Variants in PPP4R2 observed in about 807,000 individuals in gnomAD.
PPP4R2 encodes the protein serine/threonine-protein phosphatase 4 regulatory subunit 2.
PPP4R2 carries 13 observed loss-of-function variants against 47.2 expected under a neutral mutation model. That is an observed-to-expected ratio of 0.28 (90% CI 0.18 to 0.44). The LOEUF (loss-of-function observed/expected upper bound fraction) is 0.44. Among genes scored for constraint, PPP4R2 ranks in the 20% least tolerant of loss-of-function variants. The probability of loss-of-function intolerance (pLI) is 1.00; values close to 1 mark genes in which losing one functional copy is unlikely to be tolerated. For missense variants in PPP4R2, 421 were observed against 491.2 expected (o/e 0.86, Z 1.35); for synonymous variants, 151 against 163.3 (o/e 0.92, Z 0.57).
chr3:73,066,776 C>G lies in PPP4R2; in HGVS notation c.*1054C>G, dbSNP rs1233986934. 1 of 151,972 alleles carries G rather than the reference C, an allele frequency of 6.6e-6. No individual in the cohort carries two copies. The highest frequency in any genetic ancestry group is 1.5e-5 in the Non-Finnish European group (1 of 67,928). 9.4% of individuals were successfully genotyped at this position (151,972 alleles called of 1,614,324 possible). A position where few individuals can be genotyped will look rare whatever the true frequency, so the allele number is the denominator to read the frequency against. On this transcript the variant is annotated 3_prime_UTR_variant, in exon 9 of 9. Coordinates refer to ENST00000356692, the MANE Select transcript of PPP4R2 (RefSeq NM_174907.4). ...ATTAATATATTACTTTAGTATGTAC[C>G]TGAGCTAAATGACTGAAGCTTTAGG...
At chr3:73,050,625 A>G (rs999850826) in intron 3 of PPP4R2, among the ~76,000 whole-genome samples, 15 of 152,214 alleles carry the variant, frequency 9.9e-5, no homozygotes, top group African/African-American at 2.9e-4. Flanking sequence ...CCACTGTTAC[A>G]GAAGTACATA....
chr3:73,046,427 G>T (rs1702488833), intron 2 of PPP4R2, among the ~76,000 whole-genome samples: 1 of 152,314 alleles, frequency 6.6e-6, no homozygotes, highest in South Asian at 2.1e-4. Context: ...GAAATGGTTA[G>T]CATTCCTGAC....
chr3:73,029,800 C>G (rs1348047018), intron 2 of PPP4R2, among the ~76,000 whole-genome samples: 1 of 151,932 alleles, frequency 6.6e-6, no homozygotes, highest in Non-Finnish European at 1.5e-5. Context: ...TTTGGGAAAC[C>G]AGAAAAGGAA....
At chr3:73,027,002 A>G (rs914663599) in intron 2 of PPP4R2, among the ~76,000 whole-genome samples, 2 of 152,140 alleles carry the variant, frequency 1.3e-5, no homozygotes, top group Non-Finnish European at 2.9e-5. Flanking sequence ...GTACCACCCA[A>G]CTCATACATA....
intron 2 of PPP4R2, among the ~76,000 whole-genome samples, chr3:73,004,793 A>C (rs62251770): frequency 0.52 from 79,266 of 151,396 alleles, 21,082 homozygotes; most frequent in African/African-American, 0.61. Context: ...AAACTGCCCA[A>C]TCTTTTTGCC....
rs1252735465 is a variant in PPP4R2 at position 73,004,518 on chromosome 3, C to A, written c.116+6360C>A. The stretch of plus-strand genomic sequence containing the variant: ...TTGCCCCGGTTGGAGTGCAGTGATG[C>A]AATCTTGGTTCACTGTAAACTCTGT... On this transcript the variant is annotated intron_variant, in intron 2 of 8. Coordinates refer to ENST00000356692, the MANE Select transcript of PPP4R2 (RefSeq NM_174907.4). 3.3e-5 allele frequency among the ~76,000 whole-genome samples: 5 copies of A among 152,238 alleles called. No individual in the cohort carries two copies. In the East Asian group the frequency reaches 9.7e-4, roughly 29 times the overall value.
intron 3 of PPP4R2, among the ~76,000 whole-genome samples, 156 bp downstream of exon 3, chr3:73,047,512 A>G (rs1160980210): frequency 6.6e-6 from 1 of 152,208 alleles, no homozygotes; most frequent in East Asian, 1.9e-4. Flanking sequence ...TTAGCTTACA[A>G]CTATTTAAAA....
At chr3:73,024,872 A>G (rs951264146) in intron 2 of PPP4R2, among the ~76,000 whole-genome samples, 15 of 152,218 alleles carry the variant, frequency 9.9e-5, no homozygotes, top group African/African-American at 3.4e-4. Flanking sequence ...AGAAATATTT[A>G]TTAGAAGGAT....
intron 8 of PPP4R2, 25 bp downstream of exon 8, chr3:73,065,166 G>C: frequency 6.4e-7 from 1 of 1,552,196 alleles, no homozygotes; most frequent in Non-Finnish European, 8.7e-7. Flanking sequence ...TCTGTAAAAG[G>C]GTGGAGTAAG....
Position 73,067,535 on chromosome 3 carries a change from G to A in PPP4R2, c.*1813G>A, listed in dbSNP as rs1703025592. On this transcript the variant is annotated 3_prime_UTR_variant, in exon 9 of 9. Coordinates refer to ENST00000356692, the MANE Select transcript of PPP4R2 (RefSeq NM_174907.4). ...TTGATTTACTATACCCAAGAGGGGA[G>A]AAAAATTAACCATTGTAAATTTTTA... The A allele has an allele frequency of 6.6e-6, 1 of 152,076 alleles. No homozygotes were observed. The highest frequency in any genetic ancestry group is 2.1e-4 in the South Asian group (1 of 4,830). 9.4% of individuals were successfully genotyped at this position (152,076 alleles called of 1,614,324 possible). A position where few individuals can be genotyped will look rare whatever the true frequency, so the allele number is the denominator to read the frequency against.
chr3:73,043,470 A>G (rs1475243190), intron 2 of PPP4R2, among the ~76,000 whole-genome samples: 1 of 152,202 alleles, frequency 6.6e-6, no homozygotes, highest in Non-Finnish European at 1.5e-5. Context: ...AATAGAATGG[A>G]ATTGTTGGAT....
At chr3:73,013,447 A>T (rs994417989) in intron 2 of PPP4R2, among the ~76,000 whole-genome samples, 1 of 151,990 alleles carries the variant, frequency 6.6e-6, no homozygotes, top group African/African-American at 2.4e-5. Context: ...ATTGAAATTG[A>T]TACTGCTTTA....
intron 2 of PPP4R2, among the ~76,000 whole-genome samples, chr3:73,032,275 C>CT (rs1263073573): frequency 1.3e-5 from 2 of 151,268 alleles, no homozygotes; most frequent in African/African-American, 4.9e-5. Context: ...AGTAAAACTG[C>CT]TTTAAAATTA....
At position 73,028,109 on chromosome 3, in the gene PPP4R2, T is replaced by A. The variant is rs372872902; in HGVS notation, c.117-19077T>A. Among the ~76,000 whole-genome samples, 38 of 151,754 alleles carry A rather than the reference T, an allele frequency of 2.5e-4. 1 individual carries two copies. The highest frequency in any genetic ancestry group is 8.9e-4 in the African/African-American group (37 of 41,404). On this transcript the variant is annotated intron_variant, in intron 2 of 8. Coordinates refer to ENST00000356692, the MANE Select transcript of PPP4R2 (RefSeq NM_174907.4). ...TCATCTCTACTAAAAATACAAAAAT[T>A]AGCCAGGCGTGGTGGCACACGCCTG...
chr3:73,026,131 C>T (rs1465979098), intron 2 of PPP4R2, among the ~76,000 whole-genome samples: 3 of 152,158 alleles, frequency 2.0e-5, no homozygotes, highest in African/African-American at 7.2e-5. Flanking sequence ...TTCTCCCTTG[C>T]TCAAGTTAAA....
chr3:73,004,845 G>T (rs1336103170), intron 2 of PPP4R2, among the ~76,000 whole-genome samples: 3 of 79,074 alleles, frequency 3.8e-5, no homozygotes, highest in African/African-American at 2.9e-4. Context: ...ACAGTGTGGG[G>T]TGTGTGTGTG....
Position 73,062,211 on chromosome 3 carries a change from C to G in PPP4R2, c.419+1151C>G, listed in dbSNP as rs200734889. 4.0e-5 allele frequency: 63 copies of G among 1,588,106 alleles called. No individual in the cohort carries two copies. Among genetic ancestry groups the G allele is most frequent in the Non-Finnish European group, 4.0e-5 (47 of 1,170,818 alleles). On this transcript the variant is annotated intron_variant, in intron 5 of 8. Transcript: ENST00000356692. ...CAAAATTAAAGAATTAAGTCGGAAC[C>G]AATTTTCCACAATGTCTCATCTAAG...
rs1481246577 is a variant in PPP4R2, at chr3:73,067,185, G to C, written c.*1463G>C. ...TTCATATAAAGCAATAAATATTAATGTTATGAAATATTTGACTACATTTTT... is the reference window on the plus strand; with the variant it reads ...TTCATATAAAGCAATAAATATTAATCTTATGAAATATTTGACTACATTTTT... On this transcript the variant is annotated 3_prime_UTR_variant, in exon 9 of 9. Transcript: ENST00000356692. 1 of 152,100 alleles carries C rather than the reference G, an allele frequency of 6.6e-6. No individual in the cohort carries two copies. Among genetic ancestry groups the C allele is most frequent in the African/African-American group, 2.4e-5 (1 of 41,442 alleles). 9.4% of individuals were successfully genotyped at this position (152,100 alleles called of 1,614,324 possible).
In PPP4R2 at chr3:73,062,719, A is replaced by G. The variant is rs1437836712; in HGVS notation, c.420-954A>G. ...AGTCTCCAAGTTCAGAGACGATTCA[A>G]GGCAATGATGGCATCTATTGGAAGA... is the stretch of plus-strand genomic sequence containing the variant. On this transcript the variant is annotated intron_variant, in intron 5 of 8. Transcript: ENST00000356692. 3.1e-6 allele frequency: 5 copies of G among 1,614,014 alleles called. No individual in the cohort carries two copies. The South Asian group carries it at 5.5e-5, about 18-fold the overall frequency.
Sources: gnomAD v4.1 joint callset for allele counts (sites outside exome capture counted in the v4.1 genomes callset) on GRCh38, gnomAD v4.1.1 for gene constraint, MANE v1.5 for transcripts, NCBI Gene and HGNC (gene_info 2026-07-23, HGNC 2026-07-21) for gene names.